The following CRPPA variants were observed in gnomAD, a reference collection of about 807,000 sequenced individuals.
CRPPA encodes the protein CDP-L-ribitol pyrophosphorylase A, also known as D-ribitol-5-phosphate cytidylyltransferase.
In CRPPA, 43 loss-of-function variants were observed where a neutral mutation model predicts 52.0. That is an observed-to-expected ratio of 0.83 (90% confidence interval 0.65 to 1.07). The LOEUF (loss-of-function observed/expected upper bound fraction) is 1.07. Ranked by LOEUF, CRPPA falls within the 50% of genes least tolerant of loss-of-function variation. The probability of loss-of-function intolerance (pLI) is 0.00; values close to 1 mark genes in which losing one functional copy is unlikely to be tolerated. For missense variants in CRPPA, 629 were observed against 551.7 expected, an observed-to-expected ratio of 1.14 and a Z score of -1.40; for synonymous variants, 250 against 203.5, an observed-to-expected ratio of 1.23 and a Z score of -1.94.
intron 9 of CRPPA, among the ~76,000 whole-genome samples, chr7:16,122,798 T>C (rs1782503522): frequency 6.6e-6 from 1 of 152,062 alleles, no homozygotes; most frequent in Non-Finnish European, 1.5e-5. Flanking sequence ...GTCTAATTGG[T>C]ATGGAAGAAG....
At position 16,140,865 on chromosome 7, in the gene CRPPA, C is replaced by T. The variant is rs539028169; in HGVS notation, c.1252-49066G>A. ...AACTATTCATTCATTTATTGTTTAT[C>T]GAACTCTTTTTTGAGCACCCAGTAT... is the stretch of plus-strand genomic sequence containing the variant. On this transcript the variant is annotated intron_variant, in intron 9 of 9. Transcript: ENST00000407010. Among the ~76,000 whole-genome samples, 181 of 152,220 alleles carry T rather than the reference C, an allele frequency of 1.2e-3. 3 individuals carry two copies. The highest frequency in any genetic ancestry group is 3.4e-3 in the Middle Eastern group (1 of 294).
chr7:16,211,990 A>G (rs1782159820), intron 9 of CRPPA, among the ~76,000 whole-genome samples: 1 of 152,318 alleles, frequency 6.6e-6, no homozygotes, highest in East Asian at 1.9e-4. Context: ...AAAAATATTT[A>G]TTTTATTGTT....
intron 3 of CRPPA, among the ~76,000 whole-genome samples, chr7:16,371,946 G>A (rs893934018): frequency 2.0e-5 from 3 of 152,096 alleles, no homozygotes; most frequent in Admixed American, 1.3e-4. Flanking sequence ...CAGACTAGAA[G>A]ACGCAGAAGA....
chr7:16,376,312 T>A, intron 2 of CRPPA, 71 bp from the exon 3 acceptor site: 4 of 1,468,164 alleles, frequency 2.7e-6, no homozygotes, highest in South Asian at 1.4e-5. Context: ...GAATTCAGTA[T>A]CTCACTTTTG....
At chr7:16,204,360 T>C (rs1489989395) in intron 9 of CRPPA, among the ~76,000 whole-genome samples, 1 of 151,984 alleles carries the variant, frequency 6.6e-6, no homozygotes, top group Non-Finnish European at 1.5e-5. Context: ...TCATCTTAAG[T>C]GAAACAACTC....
At chr7:16,162,040 T>C (rs995403019) in intron 9 of CRPPA, among the ~76,000 whole-genome samples, 4 of 152,186 alleles carry the variant, frequency 2.6e-5, no homozygotes, top group Non-Finnish European at 5.9e-5. Context: ...ATCTCCCCTT[T>C]ATCATTTTTT....
intron 9 of CRPPA, among the ~76,000 whole-genome samples, chr7:16,204,284 A>T (rs1781920052): frequency 6.6e-6 from 1 of 152,200 alleles, no homozygotes; most frequent in Non-Finnish European, 1.5e-5. Context: ...TCAAATTAAT[A>T]TCCAAACAAT....
rs1399741894 is a variant in CRPPA at position 16,089,402 on chromosome 7, TG to T, written c.*2292del. On this transcript the variant is annotated 3_prime_UTR_variant, in exon 10 of 10. Coordinates refer to ENST00000407010, the MANE Select transcript of CRPPA (RefSeq NM_001101426.4). Reference sequence around the variant, plus strand: ...TATACGTATATATGTATGTACATAATGTGTATATATGTACGTACATACATAT... The same window carrying T: ...TATACGTATATATGTATGTACATAATTGTATATATGTACGTACATACATAT... The T allele has an allele frequency of 9.9e-5, 35 of 352,748 alleles. No individual in the cohort carries two copies. The highest frequency in any genetic ancestry group is 7.0e-4 in the African/African-American group (33 of 46,816). 21.9% of individuals were successfully genotyped at this position (352,748 alleles called of 1,614,324 possible).
intron 6 of CRPPA, chr7:16,276,896 C>A (rs1450373779): frequency 6.6e-6 from 1 of 152,092 alleles, no homozygotes; most frequent in Non-Finnish European, 1.5e-5. Context: ...GTAGAAGACA[C>A]TGGTTAATTT....
chr7:16,334,098 G>A (rs980609296), intron 3 of CRPPA, among the ~76,000 whole-genome samples: 1 of 152,084 alleles, frequency 6.6e-6, no homozygotes, highest in Non-Finnish European at 1.5e-5. Context: ...ACCAACTCAT[G>A]GATCTTGGTG....
chr7:16,311,520 G>A (rs1219885973), intron 3 of CRPPA, among the ~76,000 whole-genome samples: 1 of 151,942 alleles, frequency 6.6e-6, no homozygotes, highest in Non-Finnish European at 1.5e-5. Flanking sequence ...TTCTTTTTAG[G>A]AGTGAATAAT....
intron 3 of CRPPA, among the ~76,000 whole-genome samples, chr7:16,350,805 G>T (rs1489435116): frequency 4.6e-5 from 7 of 152,098 alleles, no homozygotes; most frequent in Admixed American, 4.6e-4. Flanking sequence ...TAATCACAAG[G>T]CGTAGAGTGT....
In CRPPA at chr7:16,359,541, C is replaced by T. The variant is rs150195126; in HGVS notation, c.684+16551G>A. ...GTCCATCTGTGTCACTTCTCAACTT[C>T]GTTCTAACTTTTGTCCCCTCCTGAC... On this transcript the variant is annotated intron_variant, in intron 3 of 9. Transcript: ENST00000407010. 2.4e-3 allele frequency among the ~76,000 whole-genome samples: 367 copies of T among 152,250 alleles called. 1 individual carries two copies. The highest frequency in any genetic ancestry group is 4.1e-3 in the Non-Finnish European group (279 of 68,012).
At chr7:16,332,351 G>A (rs1785571721) in intron 3 of CRPPA, among the ~76,000 whole-genome samples, 1 of 152,146 alleles carries the variant, frequency 6.6e-6, no homozygotes, top group Non-Finnish European at 1.5e-5. Flanking sequence ...TTTACATAAA[G>A]AAGAGATTCA....
rs745530724 is a variant in CRPPA, at chr7:16,406,065, T to C, written c.530A>G (p.His177Arg). 1.6e-5 allele frequency: 25 copies of C among 1,612,764 alleles called. No individual in the cohort carries two copies. The highest frequency in any genetic ancestry group is 2.0e-5 in the Non-Finnish European group (24 of 1,179,026). Residue 177 changes from histidine (H) to arginine (R), a missense_variant, in exon 2 of 10, where the codon CAC (histidine) becomes CGC (arginine). Transcript: ENST00000407010. ...LLKVVTAAKE[H>R]GAAGAIRPLV... is the part of the protein sequence containing the mutation. ...GACTCAAGAAAAAAGACTTACCCCG[T>C]GTTCCTTAGCAGCTGTGACAACTTT...
chr7:16,227,255 T>C (rs568815927), intron 8 of CRPPA, among the ~76,000 whole-genome samples: 116 of 151,966 alleles, frequency 7.6e-4, no homozygotes, highest in Non-Finnish European at 1.3e-3. Flanking sequence ...ATGTAGCTAG[T>C]AGTGGGGTTG....
At chr7:16,108,136 A>C (rs569408358) in intron 9 of CRPPA, among the ~76,000 whole-genome samples, 1 of 152,152 alleles carries the variant, frequency 6.6e-6, no homozygotes, top group Admixed American at 6.5e-5. Context: ...CTTACCTATC[A>C]ATAATTGCCA....
rs1033799747 is a variant in CRPPA, at chr7:16,287,918, G to C, written c.836-9692C>G. ...GCCTGGGTGAAAAAAAGAAAGGAAG[G>C]AAGGAAGGGAGGGAGGGAGGGAGGG... On this transcript the variant is annotated intron_variant, in intron 5 of 9. Transcript: ENST00000407010. Among the ~76,000 whole-genome samples the C allele has an allele frequency of 8.4e-5, 10 of 119,196 alleles. No homozygotes were observed. In the East Asian group the frequency reaches 1.2e-3, roughly 15 times the overall value. 78.2% of individuals were successfully genotyped at this position (119,196 alleles called of 152,430 possible). A position where few individuals can be genotyped will look rare whatever the true frequency, so the allele number is the denominator to read the frequency against.
At chr7:16,377,182 T>C (rs554736795) in intron 2 of CRPPA, among the ~76,000 whole-genome samples, 2 of 152,238 alleles carry the variant, frequency 1.3e-5, no homozygotes, top group South Asian at 2.1e-4. Flanking sequence ...AAAGCAAATG[T>C]ATGAGCCAAA....
Sources: gnomAD v4.1 joint callset for allele counts (sites outside exome capture counted in the v4.1 genomes callset) on GRCh38, gnomAD v4.1.1 for gene constraint, MANE v1.5 for transcripts, NCBI Gene and HGNC (gene_info 2026-07-23, HGNC 2026-07-21) for gene names.